Variants in ATP6V1H observed in about 807,000 individuals in gnomAD.
The protein encoded by ATP6V1H is ATPase H+ transporting V1 subunit H, also known as V-type proton ATPase subunit H.
In ATP6V1H, 39 loss-of-function variants were observed where a neutral mutation model predicts 71.7. The ratio of observed to expected loss-of-function variants is 0.54; its 90% confidence interval spans 0.42 to 0.71. ATP6V1H has a LOEUF of 0.71. ATP6V1H is among the 30% of genes least tolerant of loss of function. ATP6V1H has a pLI of 0.00. For missense variants in ATP6V1H, 509 were observed against 594.9 expected (o/e 0.86, Z 1.50); for synonymous variants, 192 against 199.3 (o/e 0.96, Z 0.31).
Position 53,769,757 on chromosome 8 carries a change from C to G in ATP6V1H, c.1050-14G>C, listed in dbSNP as rs1238006424. The G allele has an allele frequency of 6.3e-7, 1 of 1,586,014 alleles. No homozygotes were observed. The highest frequency in any genetic ancestry group is 1.4e-5 in the African/African-American group (1 of 73,634). The stretch of plus-strand genomic sequence containing the variant: ...TCATCAAATGAACTATAAAAATGTT[C>G]AAAAGAATTCAAGGTTTATAAGAAT... On this transcript the variant is annotated splice_polypyrimidine_tract_variant and intron_variant, in intron 10 of 13. Transcript: ENST00000359530.
intron 9 of ATP6V1H, among the ~76,000 whole-genome samples, chr8:53,787,622 G>T (rs1380545179): frequency 1.3e-5 from 2 of 152,146 alleles, no homozygotes; most frequent in Non-Finnish European, 2.9e-5. Flanking sequence ...GTAGGCTTTT[G>T]ACTAAGCAGA....
rs1811349964 is a variant in ATP6V1H, at chr8:53,841,738, T to C, written c.-35-13A>G. ...TCTTTCAACAAATCTTCAATTTTGA[T>C]GCAAGGTAAAAACAGAATACGAGGT... On this transcript the variant is annotated splice_polypyrimidine_tract_variant and intron_variant, in intron 1 of 13. Transcript: ENST00000359530. 6 of 1,603,802 alleles carry C rather than the reference T, an allele frequency of 3.7e-6. No individual in the cohort carries two copies. The East Asian group carries it at 1.3e-4, about 36-fold the overall frequency.
rs199639031 is a variant in ATP6V1H at position 53,782,550 on chromosome 8, T to C, written c.871-10383A>G. ...CCCTTTATTTCCTTCTCCTGCCTGA[T>C]TGCCCTGGCCATAACTTCCAACACT... is the stretch of plus-strand genomic sequence containing the variant. On this transcript the variant is annotated intron_variant, in intron 9 of 13. Coordinates refer to ENST00000359530, the MANE Select transcript of ATP6V1H (RefSeq NM_015941.4). Among the ~76,000 whole-genome samples the C allele has an allele frequency of 8.7e-3, 1,321 of 152,250 alleles. 7 individuals carry two copies. The highest frequency in any genetic ancestry group is 0.014 in the Non-Finnish European group (924 of 68,028).
chr8:53,810,309 T>G (rs1055416734), intron 7 of ATP6V1H, among the ~76,000 whole-genome samples: 5 of 152,238 alleles, frequency 3.3e-5, no homozygotes, highest in African/African-American at 4.8e-5. Context: ...TCCTGAGCTA[T>G]TCCTAGAGCA....
At chr8:53,753,828 G>A (rs1430430174) in intron 12 of ATP6V1H, among the ~76,000 whole-genome samples, 1 of 152,040 alleles carries the variant, frequency 6.6e-6, no homozygotes, top group Non-Finnish European at 1.5e-5. Flanking sequence ...TGATATTACA[G>A]TGTCAACAAC....
At chr8:53,823,456 A>G (rs1240658936) in intron 4 of ATP6V1H, among the ~76,000 whole-genome samples, 3 of 152,116 alleles carry the variant, frequency 2.0e-5, no homozygotes, top group African/African-American at 7.2e-5. Context: ...AATCAAAGGA[A>G]AATGCATATA....
intron 11 of ATP6V1H, among the ~76,000 whole-genome samples, chr8:53,769,094 C>A (rs1322841560): frequency 6.6e-6 from 1 of 152,060 alleles, no homozygotes; most frequent in Non-Finnish European, 1.5e-5. Context: ...TTATCCCTTA[C>A]CCAAAAATCA....
At chr8:53,787,888 G>C (rs978713245) in intron 9 of ATP6V1H, among the ~76,000 whole-genome samples, 1 of 152,130 alleles carries the variant, frequency 6.6e-6, no homozygotes, top group African/African-American at 2.4e-5. Context: ...ACAATCATTA[G>C]CAGCTGCTAG....
At chr8:53,750,710 G>A (rs1313583897) in intron 12 of ATP6V1H, among the ~76,000 whole-genome samples, 1 of 152,090 alleles carries the variant, frequency 6.6e-6, no homozygotes. Context: ...ACAACATTCT[G>A]ACACTTCATT....
intron 4 of ATP6V1H, among the ~76,000 whole-genome samples, chr8:53,819,580 ATAT>A (rs1563481354): frequency 1.5e-4 from 19 of 126,910 alleles, no homozygotes; most frequent in East Asian, 2.3e-4. Context: ...ATATATATAT[ATAT>A]ATAAAATACA....
intron 9 of ATP6V1H, among the ~76,000 whole-genome samples, chr8:53,781,061 T>C (rs1409180720): frequency 6.6e-6 from 1 of 152,224 alleles, no homozygotes; most frequent in Non-Finnish European, 1.5e-5. Flanking sequence ...TACCCAGTAA[T>C]GGGATGGCTG....
chr8:53,783,810 A>G (rs1809259667), intron 9 of ATP6V1H, among the ~76,000 whole-genome samples: 1 of 152,168 alleles, frequency 6.6e-6, no homozygotes, highest in Non-Finnish European at 1.5e-5. Flanking sequence ...CCCAGTAGTC[A>G]TTCAGGAGCA....
chr8:53,832,380 T>A (rs1811037158), intron 3 of ATP6V1H: 1 of 152,070 alleles, frequency 6.6e-6, no homozygotes, highest in South Asian at 2.1e-4. Context: ...TCAATATATG[T>A]AACTAAACAT....
chr8:53,789,798 T>C (rs141392199), intron 9 of ATP6V1H, among the ~76,000 whole-genome samples: 2 of 152,254 alleles, frequency 1.3e-5, no homozygotes, highest in East Asian at 3.9e-4. Context: ...TCAAAAAATA[T>C]ATAACATACA....
chr8:53,814,155 A>T (rs1810371064), intron 6 of ATP6V1H, among the ~76,000 whole-genome samples: 1 of 152,160 alleles, frequency 6.6e-6, no homozygotes, highest in South Asian at 2.1e-4. Flanking sequence ...AAAGGGCATA[A>T]AAGATCTCAC....
chr8:53,829,473 T>G lies in ATP6V1H; in HGVS notation c.277A>C (p.Ile93Leu). The change falls in exon 4 of 14, where the codon ATA becomes CTA. Residue 93 changes from isoleucine (I) to leucine (L), a missense_variant. Around this residue, in one of 2 missense-constraint regions of ATP6V1H, gnomAD observed 297 missense variants for 303.3 expected, o/e 0.98. Coordinates refer to ENST00000359530, the MANE Select transcript of ATP6V1H (RefSeq NM_015941.4). ...HICKEQTVQYILTMVDDMLQE... is the reference protein window; with the variant it reads ...HICKEQTVQYLLTMVDDMLQE... ...AGCATATCATCCACCATAGTTAGTA[T>G]ATACTGAACGGTCTGTTCTTTGCAG... 6.2e-7 allele frequency: 1 copy of G among 1,605,900 alleles called. No individual in the cohort carries two copies. Among genetic ancestry groups the G allele is most frequent in the Non-Finnish European group, 8.5e-7 (1 of 1,176,750 alleles).
intron 13 of ATP6V1H, among the ~76,000 whole-genome samples, chr8:53,723,751 G>A (rs1247965879): frequency 6.6e-6 from 1 of 152,160 alleles, no homozygotes; most frequent in Non-Finnish European, 1.5e-5. Context: ...GCCTAAGCCT[G>A]CTCTCCACGT....
At chr8:53,719,495 A>C (rs913827736) in intron 13 of ATP6V1H, among the ~76,000 whole-genome samples, 1 of 152,204 alleles carries the variant, frequency 6.6e-6, no homozygotes. Flanking sequence ...TGAATGTCGA[A>C]TGACATTATG....
chr8:53,801,355 G>A (rs577671154), intron 8 of ATP6V1H, among the ~76,000 whole-genome samples: 21 of 152,334 alleles, frequency 1.4e-4, no homozygotes, highest in African/African-American at 4.6e-4. Flanking sequence ...GTTTTCAGGT[G>A]CTTGTCTGTA....
Sources: allele counts gnomAD v4.1 joint callset (sites outside exome capture counted in the v4.1 genomes callset), GRCh38; gene constraint gnomAD v4.1.1; regional missense constraint gnomAD v4.1.1; transcripts MANE v1.5; gene names NCBI Gene and HGNC (gene_info 2026-07-23, HGNC 2026-07-21).